Variants in DDX23 observed in about 807,000 individuals in gnomAD.
DDX23 encodes the protein DEAD-box helicase 23.
Under a neutral mutation model 102.7 loss-of-function variants are expected in DDX23, and 33 were observed. The observed-to-expected ratio is 0.32, with a 90% confidence interval of 0.24 to 0.43. DDX23 has a LOEUF of 0.43. Among genes scored for constraint, DDX23 ranks in the 20% least tolerant of loss-of-function variants. The probability of loss-of-function intolerance (pLI) is 1.00; values close to 1 mark genes in which losing one functional copy is unlikely to be tolerated. For missense variants in DDX23, 549 were observed against 1,086.6 expected (o/e 0.51, Z 6.96); for synonymous variants, 352 against 376.0 (o/e 0.94, Z 0.74).
intron 2 of DDX23, among the ~76,000 whole-genome samples, chr12:48,844,575 G>A (rs747670180): frequency 1.1e-4 from 17 of 150,516 alleles, no homozygotes; most frequent in Non-Finnish European, 1.8e-4. Flanking sequence ...CACCGCGCCC[G>A]GCCACAGATG....
At chr12:48,841,710 G>C (rs1938554263) in intron 3 of DDX23, among the ~76,000 whole-genome samples, 1 of 152,252 alleles carries the variant, frequency 6.6e-6, no homozygotes, top group Non-Finnish European at 1.5e-5. Flanking sequence ...TGATCCGCCA[G>C]CCTCGGCCTC....
In DDX23 at chr12:48,838,049, G is replaced by C. The variant is rs550315053; in HGVS notation, c.512C>G (p.Ala171Gly). Residue 171 changes from alanine to glycine, a missense_variant, in exon 6 of 17, where the codon GCT becomes GGT. By Grantham distance (60) the Ala-to-Gly change is moderately conservative (BLOSUM62 0). Around this residue, in one of 4 missense-constraint regions of DDX23, gnomAD observed 241 missense variants for 267.0 expected, o/e 0.90. Coordinates refer to ENST00000308025, the MANE Select transcript of DDX23 (RefSeq NM_004818.3). ...CTGCTGCCGTCGCTTTAGAGCTTCA[G>C]CCTCTCGTTCTGCTTTAGAGAGGAA... ...PKFLSKAERE[A>G]EALKRRQQEV... 2 of 1,614,200 alleles carry C rather than the reference G, an allele frequency of 1.2e-6. No homozygotes were observed. Among genetic ancestry groups the C allele is most frequent in the East Asian group, 4.5e-5 (2 of 44,884 alleles).
In DDX23 at chr12:48,832,140, T is replaced by A. The variant is rs749702359; in HGVS notation, c.2002A>T (p.Ile668Phe). 1 of 1,613,954 alleles carries A rather than the reference T, an allele frequency of 6.2e-7. No homozygotes were observed. Among genetic ancestry groups the A allele is most frequent in the Non-Finnish European group, 8.5e-7 (1 of 1,180,020 alleles). The stretch of plus-strand genomic sequence containing the variant: ...CCCTTCTTCTGGTTGACAAAAATAA[T>A]GATGGGTGGGTCAAAGCCTTGCTCC... ...ILEQGFDPPI[I>F]IFVNQKKGCD... The change falls in exon 15 of 17, where the codon ATT becomes TTT. Residue 668 changes from isoleucine to phenylalanine, a missense_variant. By Grantham distance (21) the Ile-to-Phe change is conservative. This residue lies in a region of DDX23 where 270 missense variants were observed against 707.0 expected (regional missense o/e 0.38). Coordinates refer to ENST00000308025, the MANE Select transcript of DDX23 (RefSeq NM_004818.3). The surrounding 1 kb of genome is among the most constrained non-coding windows in gnomAD (Gnocchi z 4.4).
At chr12:48,843,547 CTTTTT>C (rs757724499) in intron 3 of DDX23, among the ~76,000 whole-genome samples, 22 of 117,514 alleles carry the variant, frequency 1.9e-4, no homozygotes, top group African/African-American at 5.9e-4. Context: ...TTCTTTCTTT[CTTTTT>C]TTTTTTTTTT....
chr12:48,840,796 A>G (rs533314730), intron 3 of DDX23, among the ~76,000 whole-genome samples: 16 of 150,638 alleles, frequency 1.1e-4, no homozygotes, highest in African/African-American at 3.7e-4. Context: ...CAGGTGATAC[A>G]TCCACCTCGG....
At chr12:48,849,682 C>G (rs1938727477) in intron 1 of DDX23, among the ~76,000 whole-genome samples, 2 of 149,736 alleles carry the variant, frequency 1.3e-5, no homozygotes, top group Admixed American at 1.3e-4. Context: ...AAAAAAAAAT[C>G]AGCCAGGTGT....
Position 48,836,445 on chromosome 12 carries a change from C to G in DDX23, c.1236+124G>C. ...AGCCAACACTTCTACCAGAAAGTGACAGAAAAGGTCACATTGGTGCCCACT... is the reference window on the plus strand; with the variant it reads ...AGCCAACACTTCTACCAGAAAGTGAGAGAAAAGGTCACATTGGTGCCCACT... On this transcript the variant is annotated intron_variant, in intron 10 of 16. Transcript: ENST00000308025. This position sits in a 1 kb window ranked among gnomAD's most constrained non-coding sequence, Gnocchi z 6.1. 8.0e-7 allele frequency: 1 copy of G among 1,251,700 alleles called. No homozygotes were observed. Among genetic ancestry groups the G allele is most frequent in the Non-Finnish European group, 1.1e-6 (1 of 887,820 alleles). 77.5% of individuals were successfully genotyped at this position (1,251,700 alleles called of 1,614,324 possible). A position where few individuals can be genotyped will look rare whatever the true frequency, so the allele number is the denominator to read the frequency against.
intron 3 of DDX23, among the ~76,000 whole-genome samples, chr12:48,841,251 T>C (rs1938546204): frequency 6.6e-6 from 1 of 152,116 alleles, no homozygotes; most frequent in African/African-American, 2.4e-5. Context: ...CCAGGCATGG[T>C]GGCGCATGCC....
intron 3 of DDX23, among the ~76,000 whole-genome samples, chr12:48,841,731 G>A (rs1286525705): frequency 6.6e-6 from 1 of 152,246 alleles, no homozygotes; most frequent in Non-Finnish European, 1.5e-5. Context: ...CCGAGGTGCC[G>A]GGATGGCACA....
Position 48,832,285 on chromosome 12 carries a change from C to T in DDX23, c.1956-99G>A. The T allele has an allele frequency of 5.8e-6, 9 of 1,541,566 alleles. No homozygotes were observed. The highest frequency in any genetic ancestry group is 4.6e-5 in the South Asian group (4 of 86,686). ...AACACTACTTTCAGGGTCTTTAATG[C>T]CCATGACATTCTGCCCAAGAAAACA... On this transcript the variant is annotated intron_variant, in intron 14 of 16. Coordinates refer to ENST00000308025, the MANE Select transcript of DDX23 (RefSeq NM_004818.3). The surrounding 1 kb of genome is among the most constrained non-coding windows in gnomAD (Gnocchi z 4.4).
chr12:48,843,849 G>T, intron 3 of DDX23, 91 bp downstream of exon 3: 1 of 1,439,716 alleles, frequency 6.9e-7, no homozygotes, highest in Non-Finnish European at 9.7e-7. Flanking sequence ...CGCCTGGCGA[G>T]AAATCTACTT....
chr12:48,831,036 G>C, intron 16 of DDX23, 106 bp downstream of exon 16: 1 of 1,287,622 alleles, frequency 7.8e-7, no homozygotes, highest in Non-Finnish European at 1.1e-6. Context: ...ACTTGGAACT[G>C]AGGGAGGCAG....
In DDX23 at chr12:48,830,766, A is replaced by G. The variant is rs1302216423; in HGVS notation, c.2240-74T>C. 2.1e-6 allele frequency: 3 copies of G among 1,402,492 alleles called. No homozygotes were observed. In the African/African-American group the frequency reaches 4.3e-5, roughly 20 times the overall value. 86.9% of individuals were successfully genotyped at this position (1,402,492 alleles called of 1,614,324 possible). ...AGCCGTGTCTGATGCCTCCACTTCT[A>G]GAGGCATCCTTCCCACCCCATCTCC... On this transcript the variant is annotated intron_variant, in intron 16 of 16. Transcript: ENST00000308025. The surrounding 1 kb of genome is among the most constrained non-coding windows in gnomAD (Gnocchi z 4.9).
chr12:48,830,571 T>G lies in DDX23; in HGVS notation c.2361A>C (p.Pro787=). 1 of 1,613,942 alleles carries G rather than the reference T, an allele frequency of 6.2e-7. No homozygotes were observed. Among genetic ancestry groups the G allele is most frequent in the Non-Finnish European group, 8.5e-7 (1 of 1,180,016 alleles). ...CTAGTTCGGGGGGACAGGAAGACAC[T>G]GGGCTTTCCAGGATAGCTTGCTTCA... The part of the protein sequence containing the change: ...YELKQAILES[P]VSSCPPELAN... Residue 787 remains proline (P), a synonymous_variant, in exon 17 of 17, where the codon CCA becomes CCC. Coordinates refer to ENST00000308025, the MANE Select transcript of DDX23 (RefSeq NM_004818.3). This position sits in a 1 kb window ranked among gnomAD's most constrained non-coding sequence, Gnocchi z 4.9.
intron 11 of DDX23, chr12:48,835,309 A>G (rs934067920): frequency 1.2e-5 from 2 of 160,710 alleles, no homozygotes; most frequent in African/African-American, 4.8e-5. Flanking sequence ...GCAGTGGTTC[A>G]CGCCTGTAAT....
chr12:48,836,786 A>C lies in DDX23; in HGVS notation c.1019T>G (p.Leu340Arg). The C allele has an allele frequency of 6.2e-7, 1 of 1,613,934 alleles. No individual in the cohort carries two copies. The highest frequency in any genetic ancestry group is 8.5e-7 in the Non-Finnish European group (1 of 1,179,866). Residue 340 changes from leucine to arginine, a missense_variant, in exon 10 of 17, where the codon CTC (leucine) becomes CGC (arginine). Leu to Arg is a moderately radical substitution (Grantham distance 102). Transcript: ENST00000308025. The surrounding 1 kb of genome is among the most constrained non-coding windows in gnomAD (Gnocchi z 6.1). ...LEEKEQEEAR[L>R]RKLRKKEAKQ... ...GGCTTCCTTCTTACGAAGTTTGCGG[A>C]GTCTTGCCCTGGAGCAGGGTGTGAG...
At position 48,836,491 on chromosome 12, in the gene DDX23, G is replaced by A. The variant is rs1026377146; in HGVS notation, c.1236+78C>T. On this transcript the variant is annotated intron_variant, in intron 10 of 16. Coordinates refer to ENST00000308025, the MANE Select transcript of DDX23 (RefSeq NM_004818.3). This position sits in a 1 kb window ranked among gnomAD's most constrained non-coding sequence, Gnocchi z 6.1. ...CCACTAGCAGCGATGGCTCCAAATA[G>A]TCAAGGAACAAAGTTCTCTATTCCC... is the stretch of plus-strand genomic sequence containing the variant. The A allele has an allele frequency of 2.1e-6, 3 of 1,455,168 alleles. No homozygotes were observed. Among genetic ancestry groups the A allele is most frequent in the African/African-American group, 2.8e-5 (2 of 71,330 alleles). The allele number at this position is 1,455,168 out of a possible 1,614,324, so 90.1% of individuals were successfully genotyped here.
At chr12:48,835,387 A>T (rs1343053966) in intron 11 of DDX23, among the ~76,000 whole-genome samples, 1 of 152,208 alleles carries the variant, frequency 6.6e-6, no homozygotes, top group Non-Finnish European at 1.5e-5. Context: ...AGCCTGGCCA[A>T]CATGGTGAAA....
At chr12:48,848,988 A>T (rs1938714703) in intron 1 of DDX23, among the ~76,000 whole-genome samples, 2 of 151,934 alleles carry the variant, frequency 1.3e-5, no homozygotes, top group Admixed American at 6.6e-5. Flanking sequence ...TCCTGACCTC[A>T]GGTGATCCGC....
Sources: allele counts gnomAD v4.1 joint callset (sites outside exome capture counted in the v4.1 genomes callset), GRCh38; gene constraint gnomAD v4.1.1; regional missense constraint gnomAD v4.1.1; non-coding constraint Gnocchi (gnomAD v3.1); transcripts MANE v1.5; gene names NCBI Gene and HGNC (gene_info 2026-07-23, HGNC 2026-07-21).